Variants in CNOT6L observed in about 807,000 individuals in gnomAD.
CNOT6L encodes CCR4-NOT transcription complex subunit 6-like.
CNOT6L carries 7 observed loss-of-function variants against 64.0 expected under a neutral mutation model. That is an observed-to-expected ratio of 0.11 (90% confidence interval 0.06 to 0.21). The LOEUF (loss-of-function observed/expected upper bound fraction) is 0.21. Ranked by LOEUF, CNOT6L falls within the 10% of genes least tolerant of loss-of-function variation. The pLI, the probability that CNOT6L is intolerant of heterozygous loss-of-function variation, is 1.00. For synonymous variants in CNOT6L, 193 were observed against 243.4 expected (o/e 0.79, Z 1.93); for missense variants, 245 against 669.0 (o/e 0.37, Z 6.99).
chr4:77,819,180 G>T, intron 1 of CNOT6L, 124 bp downstream of exon 1: 1 of 1,588,698 alleles, frequency 6.3e-7, no homozygotes, highest in Non-Finnish European at 8.6e-7. Flanking sequence ...CCGCCTCCCC[G>T]CCCGCCAAAG....
At chr4:77,801,596 C>T (rs1274498653) in intron 1 of CNOT6L, among the ~76,000 whole-genome samples, 1 of 141,262 alleles carries the variant, frequency 7.1e-6, no homozygotes, top group Non-Finnish European at 1.5e-5. Context: ...TGCACAGAAT[C>T]CATGTCTATT....
intron 5 of CNOT6L, among the ~76,000 whole-genome samples, chr4:77,749,137 A>T (rs1724557741): frequency 1.3e-5 from 2 of 152,202 alleles, no homozygotes; most frequent in Admixed American, 1.3e-4. Context: ...ATCTAGCCAC[A>T]GAAATTTTGA....
chr4:77,740,808 A>AAC (rs1225127023), intron 8 of CNOT6L, among the ~76,000 whole-genome samples: 1 of 152,162 alleles, frequency 6.6e-6, no homozygotes, highest in Non-Finnish European at 1.5e-5. Context: ...TAGGTGTCTT[A>AAC]ACATCACAGC....
At chr4:77,766,871 C>T (rs1726889558) in intron 4 of CNOT6L, among the ~76,000 whole-genome samples, 1 of 151,376 alleles carries the variant, frequency 6.6e-6, no homozygotes, top group Non-Finnish European at 1.5e-5. Flanking sequence ...TGAGACCAGC[C>T]TGGCTAAATG....
intron 1 of CNOT6L, among the ~76,000 whole-genome samples, chr4:77,780,033 T>C (rs1728688429): frequency 6.6e-6 from 1 of 152,196 alleles, no homozygotes; most frequent in Non-Finnish European, 1.5e-5. Flanking sequence ...CATTCAGCTT[T>C]ATTTTCCCCT....
intron 1 of CNOT6L, among the ~76,000 whole-genome samples, chr4:77,803,865 T>C (rs1731903422): frequency 6.6e-6 from 1 of 151,648 alleles, no homozygotes. Context: ...ATCATGCTAT[T>C]GCACTCCAGC....
At chr4:77,799,980 C>T (rs1259119333) in intron 1 of CNOT6L, among the ~76,000 whole-genome samples, 2 of 151,430 alleles carry the variant, frequency 1.3e-5, no homozygotes, top group African/African-American at 4.9e-5. Flanking sequence ...ATGGCAAATC[C>T]AAGAATTGAG....
chr4:77,748,275 G>T, intron 6 of CNOT6L, 41 bp downstream of exon 6: 1 of 1,318,370 alleles, frequency 7.6e-7, no homozygotes, highest in Non-Finnish European at 1.1e-6. Context: ...AACATTTTAA[G>T]AATTTCTGAA....
intron 1 of CNOT6L, among the ~76,000 whole-genome samples, chr4:77,791,091 A>G (rs1730096089): frequency 6.6e-6 from 1 of 152,090 alleles, no homozygotes. Context: ...CAGACTGACC[A>G]ACATCATGAA....
chr4:77,742,416 A>G (rs1281401276), intron 7 of CNOT6L, 121 bp from the exon 8 acceptor site: 1 of 910,878 alleles, frequency 1.1e-6, no homozygotes, highest in South Asian at 1.5e-5. Flanking sequence ...AGCAAATATT[A>G]TCTTACTATC....
chr4:77,730,859 T>TACATAATGA (rs1722372489), intron 9 of CNOT6L, among the ~76,000 whole-genome samples: 1 of 152,092 alleles, frequency 6.6e-6, no homozygotes. Context: ...AAAAGGTCTG[T>TACATAATGA]GTATGAAGTA....
At chr4:77,773,035 C>CTT in intron 4 of CNOT6L, 46 bp downstream of exon 4, 1 of 1,303,792 alleles carries the variant, frequency 7.7e-7, no homozygotes, top group Non-Finnish European at 1.1e-6. Context: ...CCAAAATGCT[C>CTT]TTTAAAAGGC....
At position 77,717,676 on chromosome 4, in the gene CNOT6L, A is replaced by G. The variant is rs1720892000; in HGVS notation, c.*2755T>C. Reference sequence around the variant, plus strand: ...AAATGGCATGCGGTTTAACAAGACAATGCTGAGGAAAGCAGCATTTCTGAT... The same window carrying G: ...AAATGGCATGCGGTTTAACAAGACAGTGCTGAGGAAAGCAGCATTTCTGAT... On this transcript the variant is annotated 3_prime_UTR_variant, in exon 12 of 12. Coordinates refer to ENST00000504123, the MANE Select transcript of CNOT6L (RefSeq NM_144571.3). The G allele has an allele frequency of 6.6e-6, 1 of 152,522 alleles. No individual in the cohort carries two copies. The highest frequency in any genetic ancestry group is 2.4e-5 in the African/African-American group (1 of 41,412). The allele number at this position is 152,522 out of a possible 1,614,324, so 9.4% of individuals were successfully genotyped here.
intron 1 of CNOT6L, among the ~76,000 whole-genome samples, chr4:77,803,947 G>A (rs1016964083): frequency 2.0e-5 from 3 of 151,688 alleles, no homozygotes; most frequent in Non-Finnish European, 2.9e-5. Context: ...GTAAAACAGC[G>A]CTGCTACTGT....
intron 5 of CNOT6L, among the ~76,000 whole-genome samples, chr4:77,752,881 A>G (rs989354625): frequency 6.6e-6 from 1 of 151,968 alleles, no homozygotes; most frequent in Admixed American, 6.6e-5. Context: ...CAAACATACA[A>G]TAAAGAAGAC....
At chr4:77,808,561 T>C (rs989624653) in intron 1 of CNOT6L, among the ~76,000 whole-genome samples, 12 of 152,032 alleles carry the variant, frequency 7.9e-5, no homozygotes, top group African/African-American at 2.2e-4. Context: ...CTATTATTAT[T>C]AAAGGACTGT....
chr4:77,720,264 A>C lies in CNOT6L; in HGVS notation c.*167T>G. On this transcript the variant is annotated 3_prime_UTR_variant, in exon 12 of 12. Transcript: ENST00000504123. ...TACTTTGGTTCCAGCCCTACTGCCA[A>C]ATGATACCAATATGCACAAAAATGT... 1 of 670,396 alleles carries C rather than the reference A, an allele frequency of 1.5e-6. No individual in the cohort carries two copies. Among genetic ancestry groups the C allele is most frequent in the Non-Finnish European group, 2.5e-6 (1 of 401,836 alleles). 41.5% of individuals were successfully genotyped at this position (670,396 alleles called of 1,614,324 possible).
chr4:77,763,131 A>T (rs1200596393), intron 4 of CNOT6L, among the ~76,000 whole-genome samples: 1 of 152,122 alleles, frequency 6.6e-6, no homozygotes, highest in East Asian at 1.9e-4. Context: ...GAAAAAAATT[A>T]CCCACAGTGG....
Position 77,726,418 on chromosome 4 carries a change from C to A in CNOT6L, c.1253-49G>T. On this transcript the variant is annotated intron_variant, in intron 10 of 11. Coordinates refer to ENST00000504123, the MANE Select transcript of CNOT6L (RefSeq NM_144571.3). ...TTCCATTTAGCATTTAGACCTTACA[C>A]AAGGCTTCACAGCCAAGACTTGTTA... 3 of 1,417,436 alleles carry A rather than the reference C, an allele frequency of 2.1e-6. No homozygotes were observed. The Middle Eastern group carries it at 5.4e-4, about 257-fold the overall frequency. 87.8% of individuals were successfully genotyped at this position (1,417,436 alleles called of 1,614,324 possible).
Sources: gnomAD v4.1 joint callset for allele counts (sites outside exome capture counted in the v4.1 genomes callset) on GRCh38, gnomAD v4.1.1 for gene constraint, MANE v1.5 for transcripts, NCBI Gene and HGNC (gene_info 2026-07-23, HGNC 2026-07-21) for gene names.